The following ENOX1 variants were observed in gnomAD, a reference collection of about 807,000 sequenced individuals.
ENOX1 encodes ecto-NOX disulfide-thiol exchanger 1, also known as candidate growth-related and time keeping constitutive hydroquinone (NADH) oxidase.
A neutral mutation model predicts 82.5 loss-of-function variants in ENOX1; 42 were observed. The ratio of observed to expected loss-of-function variants is 0.51; its 90% CI spans 0.40 to 0.66. The LOEUF (loss-of-function observed/expected upper bound fraction) is 0.66, where lower values mean the gene tolerates loss of function less well. Ranked by LOEUF, ENOX1 falls within the 30% of genes least tolerant of loss-of-function variation. The pLI is 0.00. For synonymous variants in ENOX1, 271 were observed against 282.2 expected (o/e 0.96, Z 0.40); for missense variants, 608 against 811.6 (o/e 0.75, Z 3.05).
intron 3 of ENOX1, chr13:43,459,514 T>C (rs2057371069): frequency 6.6e-6 from 1 of 152,140 alleles, no homozygotes; most frequent in African/African-American, 2.4e-5. Context: ...CATTTTTCTA[T>C]CAATCTAACA....
intron 2 of ENOX1, among the ~76,000 whole-genome samples, chr13:43,576,047 G>C (rs1462945957): frequency 6.6e-6 from 1 of 152,172 alleles, no homozygotes; most frequent in Non-Finnish European, 1.5e-5. Context: ...GAAACAAAAA[G>C]TATTTTCTTC....
At chr13:43,721,417 C>T (rs1248105191) in intron 1 of ENOX1, among the ~76,000 whole-genome samples, 3 of 105,238 alleles carry the variant, frequency 2.9e-5, no homozygotes, top group Admixed American at 3.1e-4. Flanking sequence ...CTTGCTCTGT[C>T]GCCCAGGCTG....
intron 5 of ENOX1, among the ~76,000 whole-genome samples, chr13:43,371,062 CT>C (rs960029964): frequency 7.9e-5 from 12 of 152,150 alleles, no homozygotes; most frequent in African/African-American, 2.9e-4. Flanking sequence ...TTTCACATCC[CT>C]ATCTCATTAG....
At chr13:43,594,851 ACT>A (rs1566598190) in intron 2 of ENOX1, among the ~76,000 whole-genome samples, 1 of 151,624 alleles carries the variant, frequency 6.6e-6, no homozygotes, top group East Asian at 1.9e-4. Context: ...CCTTCAAGAG[ACT>A]CTGCTGCAAG....
intron 2 of ENOX1, among the ~76,000 whole-genome samples, chr13:43,615,168 G>A (rs2082354731): frequency 6.6e-6 from 1 of 151,892 alleles, no homozygotes; most frequent in African/African-American, 2.4e-5. Flanking sequence ...ATATGTATAG[G>A]GCCTTGAGAC....
chr13:43,488,120 C>A (rs2076494609), intron 2 of ENOX1, among the ~76,000 whole-genome samples: 1 of 152,198 alleles, frequency 6.6e-6, no homozygotes, highest in Non-Finnish European at 1.5e-5. Context: ...TATACCCTCC[C>A]TGTTTCCTAG....
rs1215069179 is a variant in ENOX1, at chr13:43,719,343, A to ACACACACACACACACC, written c.-284-51800_-284-51799insGGTGTGTGTGTGTGTG. 2.3e-4 allele frequency among the ~76,000 whole-genome samples: 35 copies of ACACACACACACACACC among 149,020 alleles called. No homozygotes were observed. In the East Asian group the frequency reaches 5.5e-3, roughly 23 times the overall value. On this transcript the variant is annotated intron_variant, in intron 1 of 16. Coordinates refer to ENST00000690772, the MANE Select transcript of ENOX1 (RefSeq NM_001347969.2). Reference sequence around the variant, plus strand: ...CACACACACACACACACACACACACACACACCAGCAATCGCACATTCAAGG... The same window carrying ACACACACACACACACC: ...CACACACACACACACACACACACACACACACACACACACACCCACACCAGCAATCGCACATTCAAGG...
At chr13:43,279,011 T>TA (rs1180529822) in intron 12 of ENOX1, among the ~76,000 whole-genome samples, 1 of 152,198 alleles carries the variant, frequency 6.6e-6, no homozygotes, top group Non-Finnish European at 1.5e-5. Flanking sequence ...TAAATTTCAC[T>TA]AGGTGCACAA....
intron 2 of ENOX1, among the ~76,000 whole-genome samples, chr13:43,565,361 A>G (rs2079871851): frequency 6.6e-6 from 1 of 152,170 alleles, no homozygotes; most frequent in Non-Finnish European, 1.5e-5. Flanking sequence ...TTTGAACGTC[A>G]AGCACACATT....
chr13:43,269,653 A>C (rs1566383024), intron 12 of ENOX1, 76 bp from the exon 13 acceptor site: 1 of 1,128,518 alleles, frequency 8.9e-7, no homozygotes, highest in East Asian at 2.4e-5. Context: ...ATACCCATTC[A>C]AAATTATGAG....
intron 1 of ENOX1, among the ~76,000 whole-genome samples, chr13:43,677,552 C>G (rs9567245): frequency 6.6e-6 from 1 of 152,118 alleles, no homozygotes; most frequent in African/African-American, 2.4e-5. Context: ...CTCTCTAGAG[C>G]GCTCTTTCTC....
intron 2 of ENOX1, among the ~76,000 whole-genome samples, chr13:43,556,842 T>C (rs888969646): frequency 6.6e-6 from 1 of 152,162 alleles, no homozygotes; most frequent in Non-Finnish European, 1.5e-5. Context: ...AAGTGCCATA[T>C]ATGGCTACGT....
chr13:43,698,089 G>T lies in ENOX1; in HGVS notation c.-284-30545C>A, dbSNP rs1418097178. 2.6e-5 allele frequency among the ~76,000 whole-genome samples: 4 copies of T among 152,178 alleles called. No homozygotes were observed. The East Asian group carries it at 7.7e-4, about 29-fold the overall frequency. On this transcript the variant is annotated intron_variant, in intron 1 of 16. Coordinates refer to ENST00000690772, the MANE Select transcript of ENOX1 (RefSeq NM_001347969.2). ...TCAGCAGAGAGTAATGATGAAGCAG[G>T]AGAGAAGGAGATCAGAGAAAATGAA...
At chr13:43,625,345 C>T (rs1390256407) in intron 2 of ENOX1, among the ~76,000 whole-genome samples, 1 of 151,936 alleles carries the variant, frequency 6.6e-6, no homozygotes, top group African/African-American at 2.4e-5. Context: ...TTGCTTTTTG[C>T]TCCTTTTCTT....
At chr13:43,594,627 C>T (rs532104813) in intron 2 of ENOX1, among the ~76,000 whole-genome samples, 9 of 152,282 alleles carry the variant, frequency 5.9e-5, no homozygotes, top group Non-Finnish European at 1.2e-4. Context: ...ATTTTCACAA[C>T]AACCCTGGGA....
At chr13:43,763,823 C>T (rs996072278) in intron 1 of ENOX1, among the ~76,000 whole-genome samples, 2 of 152,028 alleles carry the variant, frequency 1.3e-5, no homozygotes, top group South Asian at 2.1e-4. Context: ...ATGTTGCTAG[C>T]GTAGAATAAG....
chr13:43,456,875 C>A (rs1390350733), intron 3 of ENOX1, among the ~76,000 whole-genome samples: 3 of 152,148 alleles, frequency 2.0e-5, no homozygotes, highest in Non-Finnish European at 2.9e-5. Flanking sequence ...TCCACAGCAT[C>A]CCGTGCATGA....
intron 1 of ENOX1, among the ~76,000 whole-genome samples, chr13:43,779,894 C>T (rs544055850): frequency 6.6e-6 from 1 of 152,250 alleles, no homozygotes; most frequent in African/African-American, 2.4e-5. Context: ...TGGTGGCTCA[C>T]ACCTGTAATC....
intron 1 of ENOX1, among the ~76,000 whole-genome samples, chr13:43,690,518 T>C (rs1157073265): frequency 6.6e-6 from 1 of 152,164 alleles, no homozygotes; most frequent in Non-Finnish European, 1.5e-5. Flanking sequence ...ATTTTACTCT[T>C]CCTTTACTCG....
Sources: gnomAD v4.1 joint callset for allele counts (sites outside exome capture counted in the v4.1 genomes callset) on GRCh38, gnomAD v4.1.1 for gene constraint, MANE v1.5 for transcripts, NCBI Gene and HGNC (gene_info 2026-07-23, HGNC 2026-07-21) for gene names.